The following ZNF804B variants were observed in gnomAD, a reference collection of about 807,000 sequenced individuals.
ZNF804B encodes zinc finger protein 804B.
In ZNF804B, 80 loss-of-function variants were observed where a neutral mutation model predicts 101.4. The observed-to-expected ratio is 0.79, with a 90% CI of 0.66 to 0.95. The LOEUF is 0.95. Among genes scored for constraint, ZNF804B ranks in the 40% least tolerant of loss-of-function variants. The pLI is 0.00. For synonymous variants in ZNF804B, 622 were observed against 558.8 expected (o/e 1.11, Z -1.59); for missense variants, 1,673 against 1,561.9 (o/e 1.07, Z -1.20).
intron 1 of ZNF804B, among the ~76,000 whole-genome samples, chr7:88,825,318 C>T (rs935682698): frequency 7.9e-5 from 12 of 151,976 alleles, no homozygotes; most frequent in Non-Finnish European, 1.5e-4. Context: ...CTCCAAAAAT[C>T]GACTAACAAT....
intron 1 of ZNF804B, among the ~76,000 whole-genome samples, chr7:88,887,766 G>T: frequency 6.6e-6 from 1 of 150,480 alleles, no homozygotes; most frequent in Admixed American, 6.6e-5. Flanking sequence ...AAAAAAAAGT[G>T]CAGATTTGTA....
At chr7:88,794,853 G>A (rs199603003) in intron 1 of ZNF804B, 1 of 1,613,654 alleles carries the variant, frequency 6.2e-7, no homozygotes, top group Non-Finnish European at 8.5e-7. Flanking sequence ...GAAAGTGCAG[G>A]TAATTGCTAC....
chr7:89,258,801 AAAT>A (rs1354387877), intron 2 of ZNF804B, among the ~76,000 whole-genome samples: 1 of 152,058 alleles, frequency 6.6e-6, no homozygotes, highest in Non-Finnish European at 1.5e-5. Context: ...AGGAAAGAAA[AAAT>A]ATATTGACTA....
At chr7:88,840,223 T>C (rs1791275203) in intron 1 of ZNF804B, among the ~76,000 whole-genome samples, 1 of 152,192 alleles carries the variant, frequency 6.6e-6, no homozygotes, top group Non-Finnish European at 1.5e-5. Flanking sequence ...ATGGCAAAGC[T>C]ATGCTCTGAC....
At chr7:89,238,897 A>G (rs1489313958) in intron 2 of ZNF804B, among the ~76,000 whole-genome samples, 1 of 152,156 alleles carries the variant, frequency 6.6e-6, no homozygotes, top group Non-Finnish European at 1.5e-5. Context: ...CTATTGCAGG[A>G]GGATCCTCAA....
At chr7:88,788,445 T>C (rs1463292457) in intron 1 of ZNF804B, among the ~76,000 whole-genome samples, 1 of 152,202 alleles carries the variant, frequency 6.6e-6, no homozygotes, top group East Asian at 1.9e-4. Context: ...ACCCCACCTC[T>C]TTTCATTCAG....
At chr7:89,081,014 TAAG>T (rs1411636262) in intron 1 of ZNF804B, among the ~76,000 whole-genome samples, 3 of 151,894 alleles carry the variant, frequency 2.0e-5, no homozygotes. Flanking sequence ...TACAATTTGA[TAAG>T]GAGAATCTAC....
At chr7:89,165,366 A>G (rs1221132747) in intron 1 of ZNF804B, among the ~76,000 whole-genome samples, 1 of 152,142 alleles carries the variant, frequency 6.6e-6, no homozygotes, top group African/African-American at 2.4e-5. Context: ...TCAGAAGGTG[A>G]TATATGCAAG....
intron 1 of ZNF804B, among the ~76,000 whole-genome samples, chr7:89,203,145 G>T (rs77195902): frequency 1.7e-3 from 266 of 152,232 alleles, no homozygotes; most frequent in African/African-American, 5.3e-3. Flanking sequence ...AGCTGAAGCA[G>T]CTGTGACAAT....
At chr7:88,959,681 C>T (rs1198246633) in intron 1 of ZNF804B, among the ~76,000 whole-genome samples, 2 of 151,380 alleles carry the variant, frequency 1.3e-5, no homozygotes, top group South Asian at 2.1e-4. Flanking sequence ...ATACTGATAG[C>T]TGCTCTCATC....
In ZNF804B at chr7:89,229,664, T is replaced by C. The variant is rs187233458; in HGVS notation, c.249+11369T>C. On this transcript the variant is annotated intron_variant, in intron 2 of 3. Coordinates refer to ENST00000333190, the MANE Select transcript of ZNF804B (RefSeq NM_181646.5). The stretch of plus-strand genomic sequence containing the variant: ...CAGTAACTGACACATCTAGCAGGCA[T>C]AAAATCAGTAAGAACATAGTTGAAC... 2.0e-5 allele frequency among the ~76,000 whole-genome samples: 3 copies of C among 152,280 alleles called. No individual in the cohort carries two copies. The East Asian group carries it at 5.8e-4, about 29-fold the overall frequency.
chr7:88,915,605 G>A (rs1792620675), intron 1 of ZNF804B, among the ~76,000 whole-genome samples: 1 of 151,848 alleles, frequency 6.6e-6, no homozygotes, highest in South Asian at 2.1e-4. Context: ...ATATGTAAAA[G>A]ATTTTGTAGA....
intron 1 of ZNF804B, among the ~76,000 whole-genome samples, chr7:89,058,361 G>A (rs1338992623): frequency 6.6e-6 from 1 of 151,756 alleles, no homozygotes; most frequent in Admixed American, 6.6e-5. Flanking sequence ...TTTAGCACAA[G>A]CTTGAGAAAG....
At chr7:88,995,037 A>T (rs1281331395) in intron 1 of ZNF804B, among the ~76,000 whole-genome samples, 3 of 152,058 alleles carry the variant, frequency 2.0e-5, no homozygotes, top group African/African-American at 7.2e-5. Context: ...TTCCTGGAAA[A>T]AAATGAATAA....
intron 1 of ZNF804B, among the ~76,000 whole-genome samples, chr7:88,760,355 A>G (rs887354782): frequency 3.9e-5 from 6 of 152,246 alleles, no homozygotes; most frequent in Admixed American, 3.3e-4. Flanking sequence ...AATGCAGTCA[A>G]CTGCAGGGCT....
At chr7:89,102,339 T>A (rs1790068213) in intron 1 of ZNF804B, among the ~76,000 whole-genome samples, 1 of 151,974 alleles carries the variant, frequency 6.6e-6, no homozygotes, top group Non-Finnish European at 1.5e-5. Context: ...CCAATGTTTG[T>A]TTTTCTGTTT....
chr7:89,001,873 T>C lies in ZNF804B; in HGVS notation c.109-216282T>C, dbSNP rs71526626. ...GAAAGTGTATTTTGTATTATTATTGTCCTTTTCTTATCACAATAAATATAT... is the reference window on the plus strand; with the variant it reads ...GAAAGTGTATTTTGTATTATTATTGCCCTTTTCTTATCACAATAAATATAT... On this transcript the variant is annotated intron_variant, in intron 1 of 3. Coordinates refer to ENST00000333190, the MANE Select transcript of ZNF804B (RefSeq NM_181646.5). Among the ~76,000 whole-genome samples the C allele has an allele frequency of 2.0e-5, 3 of 151,810 alleles. No individual in the cohort carries two copies. In the Admixed American group the frequency reaches 2.0e-4, roughly 10 times the overall value.
At chr7:88,958,440 A>G (rs1448243400) in intron 1 of ZNF804B, among the ~76,000 whole-genome samples, 1 of 151,432 alleles carries the variant, frequency 6.6e-6, no homozygotes, top group Non-Finnish European at 1.5e-5. Flanking sequence ...TATTTATGTA[A>G]CTAATTTTGA....
chr7:89,163,371 A>C (rs1203321049), intron 1 of ZNF804B, among the ~76,000 whole-genome samples: 1 of 152,094 alleles, frequency 6.6e-6, no homozygotes, highest in Non-Finnish European at 1.5e-5. Context: ...TGAATTGTGA[A>C]ACCTTGTTTC....
Sources: allele counts gnomAD v4.1 joint callset (sites outside exome capture counted in the v4.1 genomes callset), GRCh38; gene constraint gnomAD v4.1.1; transcripts MANE v1.5; gene names NCBI Gene and HGNC (gene_info 2026-07-23, HGNC 2026-07-21).